Variants in ATP7A observed in about 807,000 individuals in gnomAD.
The protein encoded by ATP7A is ATPase copper transporting alpha, also known as copper-transporting ATPase 1.
A neutral mutation model predicts 83.5 loss-of-function variants in ATP7A; 7 were observed. That is an observed-to-expected ratio of 0.08 (90% confidence interval 0.05 to 0.16). ATP7A has a LOEUF of 0.16. ATP7A is among the 10% of genes least tolerant of loss of function. The pLI, the probability that ATP7A is intolerant of heterozygous loss-of-function variation, is 1.00. For synonymous variants in ATP7A, 354 were observed against 395.2 expected, an observed-to-expected ratio of 0.90 and a Z score of 1.24; for missense variants, 940 against 1,120.8, an observed-to-expected ratio of 0.84 and a Z score of 2.30.
chrX:77,974,479 C>CT (rs1233317963), intron 2 of ATP7A, among the ~76,000 whole-genome samples: 26 of 107,384 alleles, frequency 2.4e-4, no homozygotes, highest in African/African-American at 8.1e-4. Flanking sequence ...GTCTGTATAT[C>CT]TTTTTTTTTT....
chrX:78,029,540 G>A, intron 15 of ATP7A, 96 bp downstream of exon 15: 1 of 895,495 alleles, frequency 1.1e-6, no homozygotes, highest in Non-Finnish European at 1.6e-6. Flanking sequence ...TTTCTCTGTG[G>A]TCCATGAGCT....
intron 21 of ATP7A, among the ~76,000 whole-genome samples, chrX:78,044,400 G>A (rs930327887): frequency 1.8e-5 from 2 of 111,687 alleles, no homozygotes; most frequent in Non-Finnish European, 3.8e-5. Flanking sequence ...TTTGCACAGA[G>A]ATATGTATTT....
chrX:78,039,268 C>T (rs1385339038), intron 18 of ATP7A, among the ~76,000 whole-genome samples: 4 of 111,695 alleles, frequency 3.6e-5, no homozygotes, highest in African/African-American at 6.5e-5. Context: ...AAATAATATT[C>T]GTAATCCCAT....
intron 1 of ATP7A, among the ~76,000 whole-genome samples, chrX:77,951,597 T>TGAGATG (rs2077413850): frequency 9.2e-6 from 1 of 109,142 alleles, no homozygotes; most frequent in African/African-American, 3.3e-5. Context: ...TTTTTTTTTT[T>TGAGATG]GAGATGGAGT....
chrX:78,027,818 G>T (rs1158776742), intron 14 of ATP7A, among the ~76,000 whole-genome samples: 2 of 110,464 alleles, frequency 1.8e-5, no homozygotes, highest in African/African-American at 6.6e-5. Context: ...CAACAAAGTT[G>T]ACCAAAACAA....
At chrX:78,000,572 A>G (rs2077732679) in intron 5 of ATP7A, among the ~76,000 whole-genome samples, 1 of 107,803 alleles carries the variant, frequency 9.3e-6, no homozygotes, top group African/African-American at 3.3e-5. Context: ...TCTTCTCTCA[A>G]TTTAGTCTGC....
intron 1 of ATP7A, among the ~76,000 whole-genome samples, chrX:77,954,574 T>C (rs1362127494): frequency 1.8e-5 from 2 of 112,231 alleles, no homozygotes; most frequent in Non-Finnish European, 3.8e-5. Flanking sequence ...TTAATTTTCA[T>C]TTTAAAGGTT....
intron 1 of ATP7A, among the ~76,000 whole-genome samples, chrX:77,968,309 CT>C (rs1284590345): frequency 8.9e-6 from 1 of 112,204 alleles, no homozygotes; most frequent in Non-Finnish European, 1.9e-5. Context: ...ATATACTATA[CT>C]TTTTTAATAA....
chrX:78,034,838 G>T (rs782579108), intron 17 of ATP7A, among the ~76,000 whole-genome samples: 1 of 108,946 alleles, frequency 9.2e-6, no homozygotes, highest in Admixed American at 9.8e-5. Flanking sequence ...CTGCCTCCTG[G>T]GTTCAAGCAA....
At chrX:78,040,209 C>T (rs1257173381) in intron 18 of ATP7A, among the ~76,000 whole-genome samples, 1 of 94,998 alleles carries the variant, frequency 1.1e-5, no homozygotes, top group Non-Finnish European at 2.1e-5. Flanking sequence ...GCCCCCCCCC[C>T]CTTACCTTAA....
At chrX:78,000,182 G>C (rs1557232999) in intron 5 of ATP7A, among the ~76,000 whole-genome samples, 4 of 110,792 alleles carry the variant, frequency 3.6e-5, no homozygotes, top group Non-Finnish European at 7.5e-5. Flanking sequence ...ATATTACCTT[G>C]TCTGCATTCT....
At chrX:78,045,330 G>A in intron 21 of ATP7A, 140 bp from the exon 22 acceptor site, 2 of 555,102 alleles carry the variant, frequency 3.6e-6, no homozygotes, top group Non-Finnish European at 6.0e-6. Context: ...GAAAAAAATG[G>A]CAACAACAAA....
chrX:78,041,986 C>T (rs899673563), intron 19 of ATP7A, among the ~76,000 whole-genome samples: 3 of 108,650 alleles, frequency 2.8e-5, no homozygotes, highest in Non-Finnish European at 5.7e-5. Context: ...GGTGTGGTGG[C>T]GCATGCCTGT....
rs1557239364 is a variant in ATP7A at position 78,047,820 on chromosome X, C to T, written c.*1250C>T. 1.8e-5 allele frequency: 2 copies of T among 112,015 alleles called. No homozygotes were observed. The highest frequency in any genetic ancestry group is 3.8e-5 in the Non-Finnish European group (2 of 53,282). 9.2% of individuals were successfully genotyped at this position (112,015 alleles called of 1,213,427 possible). A position where few individuals can be genotyped will look rare whatever the true frequency, so the allele number is the denominator to read the frequency against. ...TCCTAACCTCAGGTGATCCACCCGC[C>T]TTGGCCTCCCAAAGTGCTGGGATTA... is the stretch of plus-strand genomic sequence containing the variant. On this transcript the variant is annotated 3_prime_UTR_variant, in exon 23 of 23. Transcript: ENST00000341514.
At chrX:78,019,389 C>T (rs1557235494) in intron 12 of ATP7A, among the ~76,000 whole-genome samples, 1 of 112,112 alleles carries the variant, frequency 8.9e-6, no homozygotes, top group African/African-American at 3.2e-5. Flanking sequence ...CTCTGATAGT[C>T]CTAGAAGAAG....
intron 14 of ATP7A, among the ~76,000 whole-genome samples, chrX:78,024,536 G>A (rs952184043): frequency 9.0e-6 from 1 of 111,646 alleles, no homozygotes; most frequent in African/African-American, 3.3e-5. Flanking sequence ...GCTTTTCATG[G>A]TGGCTCCACC....
At chrX:77,917,605 G>T (rs201248771) in intron 1 of ATP7A, among the ~76,000 whole-genome samples, 2 of 112,393 alleles carry the variant, frequency 1.8e-5, no homozygotes, top group East Asian at 5.6e-4. Flanking sequence ...TTCTGTGATA[G>T]TTGGTAGAAT....
At chrX:77,998,715 G>A (rs1557232826) in intron 5 of ATP7A, 31 bp downstream of exon 5, 1 of 1,183,298 alleles carries the variant, frequency 8.5e-7, no homozygotes, top group Admixed American at 2.2e-5. Context: ...GTTATTTTAT[G>A]TGCTAGTTTG....
intron 1 of ATP7A, among the ~76,000 whole-genome samples, chrX:77,947,393 A>G (rs1039536918): frequency 1.8e-5 from 2 of 111,283 alleles, no homozygotes; most frequent in African/African-American, 6.5e-5. Context: ...AATTTTACAT[A>G]TAAAAATGGT....
Sources: allele counts gnomAD v4.1 joint callset (sites outside exome capture counted in the v4.1 genomes callset), GRCh38; gene constraint gnomAD v4.1.1; transcripts MANE v1.5; gene names NCBI Gene and HGNC (gene_info 2026-07-23, HGNC 2026-07-21).